Variants in WDFY3 observed in about 807,000 individuals in gnomAD.
The protein encoded by WDFY3 is WD repeat and FYVE domain-containing protein 3.
Under a neutral mutation model 409.6 loss-of-function variants are expected in WDFY3, and 66 were observed. That is an observed-to-expected ratio of 0.16 (90% CI 0.13 to 0.20). WDFY3 has a LOEUF of 0.20. Ranked by LOEUF, WDFY3 falls within the 10% of genes least tolerant of loss-of-function variation. WDFY3 has a pLI of 1.00. For missense variants in WDFY3, 3,031 were observed against 4,298.1 expected, an observed-to-expected ratio of 0.71 and a Z score of 8.24; for synonymous variants, 1,521 against 1,537.1, an observed-to-expected ratio of 0.99 and a Z score of 0.25.
intron 2 of WDFY3, among the ~76,000 whole-genome samples, chr4:84,901,504 G>A (rs1579052928): frequency 6.6e-6 from 1 of 152,232 alleles, no homozygotes; most frequent in African/African-American, 2.4e-5. Flanking sequence ...GGACTTTTCA[G>A]TCTCCATAAG....
At position 84,742,053 on chromosome 4, in the gene WDFY3, T is replaced by C. The variant is rs1027226120; in HGVS notation, c.6074-132A>G. The C allele has an allele frequency of 8.4e-6, 6 of 715,944 alleles. No homozygotes were observed. In the Admixed American group the frequency reaches 2.1e-4, roughly 25 times the overall value. The allele number at this position is 715,944 out of a possible 1,614,324, so 44.3% of individuals were successfully genotyped here. On this transcript the variant is annotated intron_variant, in intron 37 of 67. Coordinates refer to ENST00000295888, the MANE Select transcript of WDFY3 (RefSeq NM_014991.6). Reference sequence around the variant, plus strand: ...AGGTAGCAATATGACTACTAGCTTTTATGCACTACTTGAAGAAAATGACAT... The same window carrying C: ...AGGTAGCAATATGACTACTAGCTTTCATGCACTACTTGAAGAAAATGACAT...
intron 1 of WDFY3, among the ~76,000 whole-genome samples, chr4:84,962,236 A>G (rs1297838505): frequency 6.6e-6 from 1 of 152,152 alleles, no homozygotes; most frequent in South Asian, 2.1e-4. Flanking sequence ...CAGTGTTTAC[A>G]CTACAATGAT....
chr4:84,750,362 T>C (rs1740296776), intron 36 of WDFY3, among the ~76,000 whole-genome samples: 1 of 152,170 alleles, frequency 6.6e-6, no homozygotes, highest in South Asian at 2.1e-4. Flanking sequence ...ACATTAGTGA[T>C]TTTAAAAAAA....
intron 3 of WDFY3, among the ~76,000 whole-genome samples, chr4:84,895,240 C>T (rs1369830307): frequency 6.6e-5 from 10 of 152,062 alleles, no homozygotes; most frequent in Admixed American, 3.9e-4. Context: ...TCACACTCTA[C>T]CCTCTAGGGG....
At chr4:84,771,674 CT>C (rs748154716) in intron 30 of WDFY3, among the ~76,000 whole-genome samples, 13 of 152,080 alleles carry the variant, frequency 8.5e-5, no homozygotes, top group Non-Finnish European at 1.5e-4. Flanking sequence ...TCTTTTTGGG[CT>C]GCAGTTTCCT....
chr4:84,756,449 G>A (rs997935556), intron 33 of WDFY3, among the ~76,000 whole-genome samples: 3 of 151,960 alleles, frequency 2.0e-5, no homozygotes, highest in African/African-American at 7.3e-5. Flanking sequence ...GCCCAGCGGG[G>A]TAGCGCCTGA....
At chr4:84,764,384 T>C (rs1401126272) in intron 32 of WDFY3, among the ~76,000 whole-genome samples, 1 of 152,202 alleles carries the variant, frequency 6.6e-6, no homozygotes, top group East Asian at 1.9e-4. Context: ...ATGTGATCTA[T>C]TTTTTGAGCA....
At chr4:84,756,498 T>A (rs1225331307) in intron 33 of WDFY3, among the ~76,000 whole-genome samples, 1 of 151,752 alleles carries the variant, frequency 6.6e-6, no homozygotes, top group East Asian at 1.9e-4. Flanking sequence ...GGTGGGAGAA[T>A]CGCTTGAACC....
Position 84,826,975 on chromosome 4 carries a change from T to G in WDFY3, c.963A>C (p.Glu321Asp), listed in dbSNP as rs1445003804. The change falls in exon 10 of 68, where the codon GAA (glutamate) becomes GAC (aspartate). Residue 321 changes from glutamate to aspartate, a missense_variant. This residue lies in a region of WDFY3 where 1,322 missense variants were observed against 1,697.9 expected (regional missense o/e 0.78). Transcript: ENST00000295888. The part of the protein sequence containing the change: ...NFLCDLLLRL[E>D]QAKEAESKDA... Reference sequence around the variant, plus strand: ...CTTTGGATTCTGCCTCTTTTGCTTGTTCCAATCTAGAAAAGTATGATTTAG... The same window carrying G: ...CTTTGGATTCTGCCTCTTTTGCTTGGTCCAATCTAGAAAAGTATGATTTAG... 6.2e-7 allele frequency: 1 copy of G among 1,606,942 alleles called. No homozygotes were observed. The highest frequency in any genetic ancestry group is 8.5e-7 in the Non-Finnish European group (1 of 1,178,334).
chr4:84,836,511 A>G (rs1756596074), intron 7 of WDFY3, among the ~76,000 whole-genome samples: 1 of 152,152 alleles, frequency 6.6e-6, no homozygotes, highest in African/African-American at 2.4e-5. Flanking sequence ...AGCCACCACC[A>G]AAGTAAACTG....
At chr4:84,829,810 A>AAAATAAATAAAT (rs201691609) in intron 8 of WDFY3, among the ~76,000 whole-genome samples, 66,642 of 138,300 alleles carry the variant, frequency 0.48, 16,474 homozygotes, top group Non-Finnish European at 0.52. Flanking sequence ...AGACTGTCTC[A>AAAATAAATAAAT]AAATAAATAA....
chr4:84,856,459 C>A (rs972472187), intron 4 of WDFY3, among the ~76,000 whole-genome samples: 6 of 152,042 alleles, frequency 3.9e-5, no homozygotes, highest in African/African-American at 1.4e-4. Context: ...GTTCTTGGGA[C>A]TAAATGTTAA....
chr4:84,789,666 C>A, intron 22 of WDFY3, 60 bp downstream of exon 22: 1 of 1,420,524 alleles, frequency 7.0e-7, no homozygotes, highest in South Asian at 1.3e-5. Flanking sequence ...CACACACACA[C>A]ACACCCCCCA....
chr4:84,746,138 T>C (rs867139576), intron 36 of WDFY3, among the ~76,000 whole-genome samples: 1 of 136,328 alleles, frequency 7.3e-6, no homozygotes, highest in Non-Finnish European at 1.5e-5. Flanking sequence ...CAAAACCCTG[T>C]CTCTACCAAA....
At chr4:84,731,772 A>G (rs978478180) in intron 44 of WDFY3, among the ~76,000 whole-genome samples, 3 of 152,228 alleles carry the variant, frequency 2.0e-5, no homozygotes, top group African/African-American at 7.2e-5. Flanking sequence ...ACATTATTAT[A>G]AGGAAGGAAA....
intron 1 of WDFY3, among the ~76,000 whole-genome samples, chr4:84,955,383 CT>C (rs1774114451): frequency 6.6e-6 from 1 of 152,142 alleles, no homozygotes; most frequent in South Asian, 2.1e-4. Context: ...TGTCTAATAC[CT>C]GTTGCTCTTC....
intron 67 of WDFY3, among the ~76,000 whole-genome samples, chr4:84,673,208 TGACAAGA>T (rs1725707483): frequency 6.6e-6 from 1 of 152,122 alleles, no homozygotes; most frequent in African/African-American, 2.4e-5. Flanking sequence ...TTTCTTTGAC[TGACAAGA>T]ATTAAAAAAA....
chr4:84,755,596 A>T (rs1024919050), intron 33 of WDFY3, among the ~76,000 whole-genome samples, 196 bp from the exon 34 acceptor site: 5 of 152,196 alleles, frequency 3.3e-5, no homozygotes, highest in Admixed American at 6.5e-5. Flanking sequence ...AAAAAATTGA[A>T]TACTGTGTAT....
chr4:84,749,353 A>G (rs1365329828), intron 36 of WDFY3, among the ~76,000 whole-genome samples: 1 of 152,172 alleles, frequency 6.6e-6, no homozygotes, highest in Non-Finnish European at 1.5e-5. Context: ...TATATTAAAG[A>G]TACTCAAAAT....
Sources: allele counts gnomAD v4.1 joint callset (sites outside exome capture counted in the v4.1 genomes callset), GRCh38; gene constraint gnomAD v4.1.1; regional missense constraint gnomAD v4.1.1; transcripts MANE v1.5; gene names NCBI Gene and HGNC (gene_info 2026-07-23, HGNC 2026-07-21).